Variants in UHRF2 observed in about 807,000 individuals in gnomAD.
UHRF2 encodes the protein E3 ubiquitin-protein ligase UHRF2.
UHRF2 carries 23 observed loss-of-function variants against 96.8 expected under a neutral mutation model. That is an observed-to-expected ratio of 0.24 (90% confidence interval 0.17 to 0.34). UHRF2 has a LOEUF of 0.34. Ranked by LOEUF, UHRF2 falls within the 10% of genes least tolerant of loss-of-function variation. The pLI is 1.00. For missense variants in UHRF2, 685 were observed against 981.5 expected (o/e 0.70, Z 4.04); for synonymous variants, 385 against 332.6 (o/e 1.16, Z -1.72).
At chr9:6,436,860 A>G (rs1022136239) in intron 3 of UHRF2, among the ~76,000 whole-genome samples, 1 of 152,354 alleles carries the variant, frequency 6.6e-6, no homozygotes, top group South Asian at 2.1e-4. Context: ...AAATAATTTT[A>G]CGTGATGGAA....
At chr9:6,487,779 G>C (rs894587633) in intron 9 of UHRF2, among the ~76,000 whole-genome samples, 1 of 152,218 alleles carries the variant, frequency 6.6e-6, no homozygotes, top group African/African-American at 2.4e-5. Context: ...TGGGATTATA[G>C]GCGTGAGCCA....
chr9:6,498,231 A>C (rs1825077961), intron 12 of UHRF2, 73 bp downstream of exon 12: 2 of 1,480,874 alleles, frequency 1.4e-6, no homozygotes, highest in Non-Finnish European at 1.8e-6. Context: ...ATGCCTTAAC[A>C]CTGGATATAA....
chr9:6,497,392 A>T, intron 11 of UHRF2, 32 bp downstream of exon 11: 1 of 1,606,904 alleles, frequency 6.2e-7, no homozygotes, highest in Middle Eastern at 1.7e-4. Flanking sequence ...CTTGTTTGTC[A>T]TTCTTCCTGG....
At chr9:6,492,418 ATTCC>A in intron 9 of UHRF2, 1 of 988,504 alleles carries the variant, frequency 1.0e-6, no homozygotes, top group Non-Finnish European at 1.2e-6. Flanking sequence ...ATTTATTAGA[ATTCC>A]TTCTCATAGA....
chr9:6,476,426 C>G (rs1823575738), intron 5 of UHRF2, among the ~76,000 whole-genome samples: 1 of 151,974 alleles, frequency 6.6e-6, no homozygotes, highest in South Asian at 2.1e-4. Context: ...GCTGATTGAG[C>G]CTTGAATTTC....
chr9:6,472,535 A>G (rs932478819), intron 4 of UHRF2, among the ~76,000 whole-genome samples: 6 of 152,228 alleles, frequency 3.9e-5, no homozygotes, highest in African/African-American at 7.2e-5. Flanking sequence ...TTCCTAAGGA[A>G]TCTTCAGGAG....
At chr9:6,488,212 C>T (rs1255106014) in intron 9 of UHRF2, among the ~76,000 whole-genome samples, 2 of 123,618 alleles carry the variant, frequency 1.6e-5, no homozygotes, top group Non-Finnish European at 3.2e-5. Flanking sequence ...CAGCGCAGCA[C>T]TCCAGCCTGG....
intron 4 of UHRF2, among the ~76,000 whole-genome samples, chr9:6,468,032 C>G (rs1009690843): frequency 6.6e-5 from 10 of 152,166 alleles, no homozygotes; most frequent in African/African-American, 2.4e-4. Context: ...CTTATAGTTG[C>G]TGATTACCAT....
chr9:6,441,228 G>A (rs1201775538), intron 3 of UHRF2, among the ~76,000 whole-genome samples: 7 of 152,154 alleles, frequency 4.6e-5, no homozygotes, highest in Admixed American at 3.9e-4. Context: ...AAAAAACTCA[G>A]CCACCTATGG....
At position 6,432,459 on chromosome 9, in the gene UHRF2, G is replaced by A. The variant is rs374901957; in HGVS notation, c.385-1455G>A. 5.9e-5 allele frequency among the ~76,000 whole-genome samples: 9 copies of A among 152,246 alleles called. No individual in the cohort carries two copies. In the East Asian group the frequency reaches 1.2e-3, roughly 20 times the overall value. The stretch of plus-strand genomic sequence containing the variant: ...TCTTGTCATTTATATCAAGGTTCAT[G>A]GTATGATGGCAAGAACATAAGCTTC... On this transcript the variant is annotated intron_variant, in intron 2 of 15. Transcript: ENST00000276893.
chr9:6,474,933 C>T (rs1414402579), intron 4 of UHRF2, among the ~76,000 whole-genome samples: 2 of 151,696 alleles, frequency 1.3e-5, no homozygotes, highest in African/African-American at 4.8e-5. Flanking sequence ...CAGAATTATC[C>T]CATATAATTA....
intron 2 of UHRF2, among the ~76,000 whole-genome samples, chr9:6,426,393 C>T (rs1383716534): frequency 6.6e-6 from 1 of 152,166 alleles, no homozygotes; most frequent in Admixed American, 6.6e-5. Context: ...CATTAAGGTT[C>T]CCTTTCCCCA....
intron 3 of UHRF2, chr9:6,449,241 C>G (rs973858758): frequency 2.0e-5 from 3 of 152,222 alleles, no homozygotes; most frequent in Non-Finnish European, 4.4e-5. Context: ...TGAAGCAAAG[C>G]TATGCTCTTT....
chr9:6,477,445 G>A (rs954519412), intron 5 of UHRF2, among the ~76,000 whole-genome samples, 177 bp from the exon 6 acceptor site: 2 of 151,890 alleles, frequency 1.3e-5, no homozygotes, highest in Non-Finnish European at 2.9e-5. Flanking sequence ...AGAATCGCTT[G>A]AACCCGGGAG....
intron 15 of UHRF2, 109 bp from the exon 16 acceptor site, chr9:6,505,924 G>C: frequency 8.7e-7 from 1 of 1,152,712 alleles, no homozygotes; most frequent in Non-Finnish European, 1.2e-6. Context: ...TGTTCATTCT[G>C]TACATTTCTC....
chr9:6,421,022 G>C lies in UHRF2; in HGVS notation c.264G>C (p.Glu88Asp), dbSNP rs1469926698. 6.2e-7 allele frequency: 1 copy of C among 1,613,994 alleles called. No homozygotes were observed. The highest frequency in any genetic ancestry group is 8.5e-7 in the Non-Finnish European group (1 of 1,180,022). Residue 88 changes from glutamate (E) to aspartate (D), a missense_variant, in exon 2 of 16, where the codon GAG becomes GAC. This residue lies in a region of UHRF2 where 391 missense variants were observed against 437.0 expected (regional missense o/e 0.89). Transcript: ENST00000276893. The stretch of plus-strand genomic sequence containing the variant: ...TTCCTGGCACATCTACACAGATTGA[G>C]GCTAAACCCTGTTCTAATAGTCCAC... ...DHLPGTSTQI[E>D]AKPCSNSPPK...
chr9:6,493,576 A>G (rs1383630683), intron 9 of UHRF2, among the ~76,000 whole-genome samples: 1 of 152,232 alleles, frequency 6.6e-6, no homozygotes, highest in African/African-American at 2.4e-5. Flanking sequence ...TACTACATAT[A>G]TAGCATGAGA....
chr9:6,452,353 G>C lies in UHRF2; in HGVS notation c.645-8220G>C, dbSNP rs576247268. Reference sequence around the variant, plus strand: ...AAGCAAATGTATAGACAGTGTTTCTGGTAATTAACAGATGCCCCTCTAAGA... The same window carrying C: ...AAGCAAATGTATAGACAGTGTTTCTCGTAATTAACAGATGCCCCTCTAAGA... On this transcript the variant is annotated intron_variant, in intron 3 of 15. Transcript: ENST00000276893. 5.9e-5 allele frequency among the ~76,000 whole-genome samples: 9 copies of C among 152,162 alleles called. 1 individual carries two copies. Among genetic ancestry groups the C allele is most frequent in the Non-Finnish European group, 2.9e-5 (2 of 68,034 alleles).
intron 9 of UHRF2, chr9:6,492,253 T>C (rs772273519): frequency 2.3e-6 from 2 of 865,984 alleles, no homozygotes; most frequent in South Asian, 1.5e-5. Context: ...TTATGCTCTC[T>C]TACTTTCCAT....
Sources: gnomAD v4.1 joint callset for allele counts (sites outside exome capture counted in the v4.1 genomes callset) on GRCh38, gnomAD v4.1.1 for gene constraint, gnomAD v4.1.1 regional missense constraint, MANE v1.5 for transcripts, NCBI Gene and HGNC (gene_info 2026-07-23, HGNC 2026-07-21) for gene names.